The following CENPP variants were observed in gnomAD, a reference collection of about 807,000 sequenced individuals.
CENPP encodes centromere protein P.
CENPP carries 24 observed loss-of-function variants against 35.6 expected under a neutral mutation model. The observed-to-expected ratio is 0.67, with a 90% CI of 0.49 to 0.95. The LOEUF is 0.95. Among genes scored for constraint, CENPP ranks in the 40% least tolerant of loss-of-function variants. The probability of loss-of-function intolerance (pLI) is 0.00; values close to 1 mark genes in which losing one functional copy is unlikely to be tolerated. For missense variants in CENPP, 332 were observed against 345.3 expected (o/e 0.96, Z 0.31); for synonymous variants, 120 against 125.5 (o/e 0.96, Z 0.29).
intron 5 of CENPP, among the ~76,000 whole-genome samples, chr9:92,529,324 T>C (rs1435059769): frequency 1.3e-5 from 2 of 152,204 alleles, no homozygotes; most frequent in Non-Finnish European, 2.9e-5. Flanking sequence ...GGTGAGTGTG[T>C]GGAGCAACTG....
chr9:92,326,292 A>G (rs1347226017), intron 1 of CENPP, among the ~76,000 whole-genome samples, 187 bp downstream of exon 1: 3 of 152,236 alleles, frequency 2.0e-5, no homozygotes, highest in Non-Finnish European at 2.9e-5. Flanking sequence ...CTGTAAACGC[A>G]TTGCAGGGTA....
chr9:92,549,285 A>T (rs934603910), intron 5 of CENPP, among the ~76,000 whole-genome samples: 1 of 152,198 alleles, frequency 6.6e-6, no homozygotes, highest in Non-Finnish European at 1.5e-5. Context: ...ACACTTTCTC[A>T]TAACCAAAAC....
intron 5 of CENPP, chr9:92,514,696 A>G (rs1012998452): frequency 6.2e-7 from 1 of 1,612,618 alleles, no homozygotes; most frequent in Non-Finnish European, 8.5e-7. Context: ...CATGGCGTTG[A>G]TGCAGCTGAT....
At chr9:92,337,658 G>C (rs763029124) in intron 3 of CENPP, 29 bp downstream of exon 3, 1 of 1,303,510 alleles carries the variant, frequency 7.7e-7, no homozygotes, top group Non-Finnish European at 1.1e-6. Context: ...TGTGATAACA[G>C]AGATACTTCT....
At chr9:92,356,067 TGTCA>T (rs548288700) in intron 4 of CENPP, among the ~76,000 whole-genome samples, 63 of 152,354 alleles carry the variant, frequency 4.1e-4, no homozygotes, top group African/African-American at 1.4e-3. Context: ...TGATTGATAT[TGTCA>T]GTCAGTATTG....
intron 5 of CENPP, among the ~76,000 whole-genome samples, chr9:92,605,406 C>T (rs955186087): frequency 6.6e-6 from 1 of 151,766 alleles, no homozygotes; most frequent in Non-Finnish European, 1.5e-5. Flanking sequence ...GTGCCAGTTA[C>T]TGAGGAGTCT....
intron 5 of CENPP, among the ~76,000 whole-genome samples, chr9:92,567,373 G>GATATATATATATATATATATATATAGAT: frequency 7.7e-5 from 10 of 129,086 alleles, no homozygotes; most frequent in East Asian, 2.5e-4. Flanking sequence ...ACATAAGATA[G>GATATATATATATATATATATATATAGAT]ATATATATAT....
At chr9:92,478,619 A>T (rs991264227) in intron 5 of CENPP, among the ~76,000 whole-genome samples, 8 of 151,876 alleles carry the variant, frequency 5.3e-5, no homozygotes, top group Non-Finnish European at 1.2e-4. Flanking sequence ...TGCCTGGCTA[A>T]TTTTTTATAT....
chr9:92,549,187 C>G (rs1321267411), intron 5 of CENPP, among the ~76,000 whole-genome samples: 1 of 152,188 alleles, frequency 6.6e-6, no homozygotes, highest in African/African-American at 2.4e-5. Context: ...GGGCTATGGA[C>G]TTGTTCTGTT....
chr9:92,546,881 A>G (rs1299506046), intron 5 of CENPP, among the ~76,000 whole-genome samples: 2 of 152,192 alleles, frequency 1.3e-5, no homozygotes, highest in South Asian at 2.1e-4. Flanking sequence ...ATAATTTCAA[A>G]TCTTCCCACA....
intron 5 of CENPP, chr9:92,460,468 G>C: frequency 1.9e-6 from 3 of 1,566,826 alleles, no homozygotes; most frequent in Non-Finnish European, 2.6e-6. Flanking sequence ...TTTTGGGAAC[G>C]TTTACCTTTG....
chr9:92,499,365 A>C (rs866781401), intron 5 of CENPP, among the ~76,000 whole-genome samples: 2 of 152,270 alleles, frequency 1.3e-5, no homozygotes, highest in African/African-American at 4.8e-5. Flanking sequence ...ATGAGCAAAA[A>C]ATTTTTTACA....
chr9:92,514,730 C>T (rs532812407), intron 5 of CENPP: 35 of 1,607,818 alleles, frequency 2.2e-5, no homozygotes, highest in South Asian at 1.3e-4. Context: ...AGAGAGCACC[C>T]GCTTGGCAGG....
intron 5 of CENPP, among the ~76,000 whole-genome samples, chr9:92,449,437 C>CAAAAAAAAAAAAA (rs56218626): frequency 2.2e-4 from 12 of 54,958 alleles, no homozygotes; most frequent in Non-Finnish European, 4.1e-4. Context: ...ACTCTATCTC[C>CAAAAAAAAAAAAA]AAAAAAAAAA....
At chr9:92,410,684 G>A (rs1261973988) in intron 5 of CENPP, among the ~76,000 whole-genome samples, 1 of 152,204 alleles carries the variant, frequency 6.6e-6, no homozygotes, top group Non-Finnish European at 1.5e-5. Flanking sequence ...TCTGTTTTGT[G>A]TGCCAGGAAA....
chr9:92,528,864 G>C (rs1588237759), intron 5 of CENPP, among the ~76,000 whole-genome samples: 1 of 152,322 alleles, frequency 6.6e-6, no homozygotes, highest in Admixed American at 6.5e-5. Flanking sequence ...AACAGGAAAA[G>C]TTGACCCATA....
chr9:92,449,437 C>CAAAAAAAAAA (rs56218626), intron 5 of CENPP, among the ~76,000 whole-genome samples: 22 of 54,958 alleles, frequency 4.0e-4, no homozygotes, highest in Non-Finnish European at 6.4e-4. Context: ...ACTCTATCTC[C>CAAAAAAAAAA]AAAAAAAAAA....
intron 4 of CENPP, among the ~76,000 whole-genome samples, chr9:92,352,505 GTATACATATATA>G (rs1392792536): frequency 1.2e-4 from 6 of 49,766 alleles, no homozygotes; most frequent in African/African-American, 1.1e-3. Flanking sequence ...GTGTGTGTGT[GTATACATATATA>G]TATATATATA....
At chr9:92,536,084 C>T in intron 5 of CENPP, 1 of 485,864 alleles carries the variant, frequency 2.1e-6, no homozygotes, top group Non-Finnish European at 4.0e-6. Flanking sequence ...TCTAAAATAA[C>T]TGCCTCCCTT....
Sources: allele counts gnomAD v4.1 joint callset (sites outside exome capture counted in the v4.1 genomes callset), GRCh38; gene constraint gnomAD v4.1.1; transcripts MANE v1.5; gene names NCBI Gene and HGNC (gene_info 2026-07-23, HGNC 2026-07-21).